Variants in CSTF1 observed in about 807,000 individuals in gnomAD.
The protein encoded by CSTF1 is CF-1 50 kDa subunit.
In CSTF1, 2 loss-of-function variants were observed where a neutral mutation model predicts 40.9. The ratio of observed to expected loss-of-function variants is 0.05; its 90% confidence interval spans 0.02 to 0.15. CSTF1 has a LOEUF of 0.15. CSTF1 is among the 10% of genes least tolerant of loss of function. The pLI is 1.00. For synonymous variants in CSTF1, 218 were observed against 207.2 expected, an observed-to-expected ratio of 1.05 and a Z score of -0.45; for missense variants, 279 against 558.9, an observed-to-expected ratio of 0.50 and a Z score of 5.05.
chr20:56,395,418 G>A lies in CSTF1; in HGVS notation c.-32-103G>A, dbSNP rs1453171821. Reference sequence around the variant, plus strand: ...CAAAGATAATGCAGCTAGTAGAGATGGGATTTGAGTCCTGCAAGATTAAGT... The same window carrying A: ...CAAAGATAATGCAGCTAGTAGAGATAGGATTTGAGTCCTGCAAGATTAAGT... On this transcript the variant is annotated intron_variant, in intron 1 of 5. Transcript: ENST00000217109. 3 of 663,562 alleles carry A rather than the reference G, an allele frequency of 4.5e-6. No homozygotes were observed. In the South Asian group the frequency reaches 6.6e-5, roughly 15 times the overall value. The allele number at this position is 663,562 out of a possible 1,614,324, so 41.1% of individuals were successfully genotyped here.
At chr20:56,401,004 A>G (rs971322511) in intron 5 of CSTF1, among the ~76,000 whole-genome samples, 1 of 152,056 alleles carries the variant, frequency 6.6e-6, no homozygotes, top group African/African-American at 2.4e-5. Context: ...GCGCTGCTGT[A>G]CTCCAGCCTG....
intron 2 of CSTF1, 115 bp downstream of exon 2, chr20:56,395,836 C>T: frequency 9.1e-7 from 1 of 1,097,776 alleles, no homozygotes; most frequent in Non-Finnish European, 1.3e-6. Context: ...GAGCCGGGTA[C>T]TTCAGTAAGT....
chr20:56,401,651 TA>T (rs1163423954), intron 5 of CSTF1, among the ~76,000 whole-genome samples: 1 of 152,176 alleles, frequency 6.6e-6, no homozygotes, highest in Non-Finnish European at 1.5e-5. Context: ...AGAAACAGCA[TA>T]AATGTCCAAT....
In CSTF1 at chr20:56,403,664, G is replaced by T; in HGVS notation, c.1233G>T (p.Gly411=). The change falls in exon 6 of 6, where the codon GGG becomes GGT. Residue 411 remains glycine, a synonymous_variant. Coordinates refer to ENST00000217109, the MANE Select transcript of CSTF1 (RefSeq NM_001324.3). ...TAGTGCACTCCCCCACCAACCCCGG[G>T]TTCATGACGTGCAGCGATGACTTCA... ...RCIVHSPTNP[G]FMTCSDDFRA... 6.2e-7 allele frequency: 1 copy of T among 1,614,066 alleles called. No individual in the cohort carries two copies. Among genetic ancestry groups the T allele is most frequent in the Non-Finnish European group, 8.5e-7 (1 of 1,180,016 alleles).
chr20:56,400,216 G>A (rs1978393732), intron 5 of CSTF1, among the ~76,000 whole-genome samples: 1 of 152,138 alleles, frequency 6.6e-6, no homozygotes, highest in South Asian at 2.1e-4. Context: ...CCCACTAGGG[G>A]GCAGCATAAC....
At chr20:56,403,331 T>C (rs974408529) in intron 5 of CSTF1, 137 bp from the exon 6 acceptor site, 27 of 1,052,180 alleles carry the variant, frequency 2.6e-5, no homozygotes, top group Non-Finnish European at 3.2e-5. Flanking sequence ...TTCTTTTTTG[T>C]ACTTTTTTAG....
At position 56,395,572 on chromosome 20, in the gene CSTF1, G is replaced by A. The variant is rs1987494097; in HGVS notation, c.20G>A (p.Gly7Asp). 6.2e-7 allele frequency: 1 copy of A among 1,614,018 alleles called. No homozygotes were observed. The highest frequency in any genetic ancestry group is 8.5e-7 in the Non-Finnish European group (1 of 1,179,978). MYRTKV[G>D]LKDRQQLYKL... ...TCCAAGATGTACAGAACCAAAGTGG[G>A]CTTGAAGGACCGCCAGCAGCTCTAC... is the stretch of plus-strand genomic sequence containing the variant. Residue 7 changes from glycine to aspartate, a missense_variant, in exon 2 of 6, where the codon GGC (glycine) becomes GAC (aspartate). Around this residue, in one of 4 missense-constraint regions of CSTF1, gnomAD observed 51 missense variants for 55.0 expected, o/e 0.93. Transcript: ENST00000217109.
chr20:56,402,954 C>T (rs931402256), intron 5 of CSTF1, among the ~76,000 whole-genome samples: 1 of 150,200 alleles, frequency 6.7e-6, no homozygotes, highest in Non-Finnish European at 1.5e-5. Flanking sequence ...AAAAAGATCA[C>T]ACACAAAAGA....
In CSTF1 at chr20:56,397,358, T is replaced by C; in HGVS notation, c.321T>C (p.His107=). 6.2e-7 allele frequency: 1 copy of C among 1,614,178 alleles called. No homozygotes were observed. Among genetic ancestry groups the C allele is most frequent in the South Asian group, 1.1e-5 (1 of 91,092 alleles). The change falls in exon 3 of 6, where the codon CAT becomes CAC. Residue 107 remains histidine, a synonymous_variant. Coordinates refer to ENST00000217109, the MANE Select transcript of CSTF1 (RefSeq NM_001324.3). The surrounding 1 kb of genome is among the most constrained non-coding windows in gnomAD (Gnocchi z 4.4). ...SEYETCYVTS[H]KGPCRVATYS... Reference sequence around the variant, plus strand: ...ACGAAACATGCTATGTCACATCACATAAAGGACCATGCCGTGTAGCTACCT... The same window carrying C: ...ACGAAACATGCTATGTCACATCACACAAAGGACCATGCCGTGTAGCTACCT...
At position 56,397,622 on chromosome 20, in the gene CSTF1, GC is replaced by G; in HGVS notation, c.448-21del. 6.2e-7 allele frequency: 1 copy of G among 1,611,802 alleles called. No homozygotes were observed. ...GATTCAGACACATTCTGTGCCTTGA[GC>G]ATCTCTTCTTGTTGGTCTAGGTCAT... On this transcript the variant is annotated intron_variant, in intron 3 of 5. Transcript: ENST00000217109. This position sits in a 1 kb window ranked among gnomAD's most constrained non-coding sequence, Gnocchi z 4.4.
intron 1 of CSTF1, among the ~76,000 whole-genome samples, chr20:56,393,023 T>C (rs1987327829): frequency 6.6e-6 from 1 of 152,146 alleles, no homozygotes; most frequent in South Asian, 2.1e-4. Context: ...CTTGTCCTCG[T>C]GTGCTCACCT....
rs1300023348 is a variant in CSTF1, at chr20:56,405,835, TC to T, written c.*2112del. ...TACCAAAAACATTACCAACCAAACC[TC>T]CCCTGTTCTTTTTTCAGACTTTCCT... On this transcript the variant is annotated 3_prime_UTR_variant, in exon 6 of 6. Coordinates refer to ENST00000217109, the MANE Select transcript of CSTF1 (RefSeq NM_001324.3). 6.6e-6 allele frequency: 1 copy of T among 152,170 alleles called. No homozygotes were observed. The highest frequency in any genetic ancestry group is 1.5e-5 in the Non-Finnish European group (1 of 68,032). 9.4% of individuals were successfully genotyped at this position (152,170 alleles called of 1,614,324 possible).
rs1183803435 is a variant in CSTF1, at chr20:56,405,677, A to G, written c.*1950A>G. On this transcript the variant is annotated 3_prime_UTR_variant, in exon 6 of 6. Transcript: ENST00000217109. ...GCCATATTTTTTGATGCATATTTCC[A>G]GTTGAATTCCAGTGTGAATTTCCAG... 1 of 152,200 alleles carries G rather than the reference A, an allele frequency of 6.6e-6. No individual in the cohort carries two copies. Among genetic ancestry groups the G allele is most frequent in the African/African-American group, 2.4e-5 (1 of 41,440 alleles). The allele number at this position is 152,200 out of a possible 1,614,324, so 9.4% of individuals were successfully genotyped here.
At chr20:56,393,151 CAT>C (rs1157624506) in intron 1 of CSTF1, among the ~76,000 whole-genome samples, 1 of 56,454 alleles carries the variant, frequency 1.8e-5, no homozygotes, top group African/African-American at 5.4e-5. Context: ...CACACATATA[CAT>C]ATATATACAC....
intron 2 of CSTF1, chr20:56,396,929 G>A (rs2146243794): frequency 2.9e-6 from 1 of 347,922 alleles, no homozygotes; most frequent in Non-Finnish European, 5.2e-6. Context: ...TTCTGTAGTT[G>A]TAGATAAAGT....
In CSTF1 at chr20:56,403,778, C is replaced by T. The variant is rs760835133; in HGVS notation, c.*51C>T. ...TCGAGGACTCTACCCTCCTCCCCCA[C>T]GTCCTGTCTCAGCTGCAGTCGTAAG... On this transcript the variant is annotated 3_prime_UTR_variant, in exon 6 of 6. Transcript: ENST00000217109. The T allele has an allele frequency of 2.0e-5, 31 of 1,554,172 alleles. No individual in the cohort carries two copies. Among genetic ancestry groups the T allele is most frequent in the Non-Finnish European group, 2.5e-5 (29 of 1,141,956 alleles).
intron 1 of CSTF1, among the ~76,000 whole-genome samples, chr20:56,393,170 ATGTGTGTGTG>A (rs11473393): frequency 2.3e-5 from 3 of 132,052 alleles, no homozygotes; most frequent in Admixed American, 1.5e-4. Context: ...ACACACACAT[ATGTGTGTGTG>A]TGTGTGTGTA....
intron 5 of CSTF1, among the ~76,000 whole-genome samples, chr20:56,402,325 G>A (rs1978494946): frequency 6.7e-6 from 1 of 150,220 alleles, no homozygotes; most frequent in African/African-American, 2.5e-5. Context: ...AAAAAAAAGA[G>A]AGAATTTACA....
intron 5 of CSTF1, among the ~76,000 whole-genome samples, chr20:56,400,866 C>A (rs1262271316): frequency 6.6e-6 from 1 of 151,972 alleles, no homozygotes; most frequent in Non-Finnish European, 1.5e-5. Context: ...TGGTGAAACC[C>A]CGTCTCTATG....
Sources: allele counts gnomAD v4.1 joint callset (sites outside exome capture counted in the v4.1 genomes callset), GRCh38; gene constraint gnomAD v4.1.1; regional missense constraint gnomAD v4.1.1; non-coding constraint Gnocchi (gnomAD v3.1); transcripts MANE v1.5; gene names NCBI Gene and HGNC (gene_info 2026-07-23, HGNC 2026-07-21).